IFT46: variants seen among roughly 807,000 people sequenced by gnomAD.
IFT46 encodes the protein intraflagellar transport protein 46 homolog.
Under a neutral mutation model 39.6 loss-of-function variants are expected in IFT46, and 19 were observed. The observed-to-expected ratio is 0.48, with a 90% CI of 0.33 to 0.70. IFT46 has a LOEUF of 0.70. IFT46 is among the 30% of genes least tolerant of loss of function. The pLI is 0.01. For missense variants in IFT46, 334 were observed against 364.8 expected (o/e 0.92, Z 0.69); for synonymous variants, 117 against 134.8 (o/e 0.87, Z 0.91).
chr11:118,562,429 A>G (rs1938091028), intron 2 of IFT46, among the ~76,000 whole-genome samples: 1 of 152,124 alleles, frequency 6.6e-6, no homozygotes. Flanking sequence ...GACAGAGCAA[A>G]ACTCTGTCTC....
intron 3 of IFT46, 129 bp downstream of exon 3, chr11:118,559,656 C>T (rs1427745759): frequency 5.4e-6 from 4 of 738,202 alleles, no homozygotes; most frequent in African/African-American, 5.3e-5. Flanking sequence ...GATTTTCCTC[C>T]ATGAGCTCAA....
upstream of IFT46, among the ~76,000 whole-genome samples, chr11:118,575,883 T>C (rs1464680486): frequency 6.6e-6 from 1 of 152,172 alleles, no homozygotes. Flanking sequence ...TCTGGCAGCC[T>C]AATGTTACTA....
intron 2 of IFT46, chr11:118,561,377 G>C: frequency 2.4e-6 from 2 of 849,706 alleles, no homozygotes; most frequent in Non-Finnish European, 4.1e-6. Flanking sequence ...AAAGAAGAGC[G>C]TAACTCCAGA....
At chr11:118,557,972 T>A in intron 3 of IFT46, 1 of 1,226,876 alleles carries the variant, frequency 8.2e-7, no homozygotes, top group Non-Finnish European at 1.1e-6. Flanking sequence ...ATACTGAGGT[T>A]AACACGTTTG....
At chr11:118,572,494 AC>A (rs1355040778) in intron 1 of IFT46, 9 of 1,604,856 alleles carry the variant, frequency 5.6e-6, no homozygotes, top group Non-Finnish European at 7.7e-6. Flanking sequence ...CCCAGACCCT[AC>A]CCCTATCCCC....
chr11:118,545,594 G>A (rs955291131), intron 10 of IFT46, 100 bp from the exon 11 acceptor site: 10 of 1,146,822 alleles, frequency 8.7e-6, no homozygotes, highest in African/African-American at 3.1e-5. Flanking sequence ...ATGGGGTGTC[G>A]CTATGACTTT....
At chr11:118,545,754 A>G (rs1951667178) in intron 10 of IFT46, 39 bp downstream of exon 10, 1 of 1,593,968 alleles carries the variant, frequency 6.3e-7, no homozygotes, top group African/African-American at 1.3e-5. Context: ...GAGTGTCTCT[A>G]TCCAGAGATG....
In IFT46 at chr11:118,546,310, C is replaced by T; in HGVS notation, c.673-457G>A. The stretch of plus-strand genomic sequence containing the variant: ...CCTAGGAGTTCGAGACCAGCCTGGG[C>T]AACATGGTGAAATTCCATCTCTACA... On this transcript the variant is annotated intron_variant, in intron 9 of 11. Transcript: ENST00000264021. 6.6e-6 allele frequency: 4 copies of T among 604,604 alleles called. No homozygotes were observed. In the South Asian group the frequency reaches 8.1e-5, roughly 12 times the overall value. 37.5% of individuals were successfully genotyped at this position (604,604 alleles called of 1,614,324 possible).
At position 118,544,576 on chromosome 11, in the gene IFT46, C is replaced by T. The variant is rs981966829; in HGVS notation, c.*340G>A. On this transcript the variant is annotated 3_prime_UTR_variant, in exon 12 of 12. Coordinates refer to ENST00000264021, the MANE Select transcript of IFT46 (RefSeq NM_001168618.2). ...ATAAAATCTTTACTCACTAACTTTA[C>T]GAATGAAAGAAAACAATTCCATCCC... 6 of 246,742 alleles carry T rather than the reference C, an allele frequency of 2.4e-5. No homozygotes were observed. The highest frequency in any genetic ancestry group is 8.6e-5 in the South Asian group (1 of 11,654). 15.3% of individuals were successfully genotyped at this position (246,742 alleles called of 1,614,324 possible).
intron 1 of IFT46, chr11:118,572,469 C>T: frequency 7.9e-6 from 12 of 1,527,562 alleles, no homozygotes; most frequent in Non-Finnish European, 9.9e-6. Context: ...TCCAGAGCTG[C>T]TGGTGCTCCC....
chr11:118,561,205 C>A, intron 2 of IFT46: 2 of 1,378,946 alleles, frequency 1.5e-6, no homozygotes, highest in Non-Finnish European at 1.0e-6. Flanking sequence ...GCTTGTCTGT[C>A]CCTCACAGTA....
intron 2 of IFT46, among the ~76,000 whole-genome samples, chr11:118,563,082 C>G (rs115277891): frequency 0.011 from 1,622 of 151,038 alleles, 31 homozygotes; most frequent in African/African-American, 0.037. Context: ...AAAAAAAGTG[C>G]AATATACATG....
chr11:118,544,707 T>G lies in IFT46; in HGVS notation c.*209A>C, dbSNP rs1951633429. Reference sequence around the variant, plus strand: ...AAATCCCCACAGTGGTGTAGATGCATTAACTCCCCGGGGACAGCAATCTGA... The same window carrying G: ...AAATCCCCACAGTGGTGTAGATGCAGTAACTCCCCGGGGACAGCAATCTGA... On this transcript the variant is annotated 3_prime_UTR_variant, in exon 12 of 12. Coordinates refer to ENST00000264021, the MANE Select transcript of IFT46 (RefSeq NM_001168618.2). 1 of 531,804 alleles carries G rather than the reference T, an allele frequency of 1.9e-6. No homozygotes were observed. The highest frequency in any genetic ancestry group is 2.5e-5 in the South Asian group (1 of 40,096). The allele number at this position is 531,804 out of a possible 1,614,324, so 32.9% of individuals were successfully genotyped here.
In IFT46 at chr11:118,561,637, A is replaced by G. The variant is rs1431483649; in HGVS notation, c.-35-1773T>C. On this transcript the variant is annotated intron_variant, in intron 2 of 11. Transcript: ENST00000264021. Reference sequence around the variant, plus strand: ...TAAAGACGATAAACATATGGACAGAAAAAAAAAAGATTTAACCTCTTTGAG... The same window carrying G: ...TAAAGACGATAAACATATGGACAGAGAAAAAAAAGATTTAACCTCTTTGAG... 1.8e-5 allele frequency: 7 copies of G among 380,984 alleles called. No homozygotes were observed. In the Admixed American group the frequency reaches 2.9e-4, roughly 16 times the overall value. The allele number at this position is 380,984 out of a possible 1,614,324, so 23.6% of individuals were successfully genotyped here. A position where few individuals can be genotyped will look rare whatever the true frequency, so the allele number is the denominator to read the frequency against.
intron 9 of IFT46, among the ~76,000 whole-genome samples, chr11:118,551,085 G>A (rs142131387): frequency 2.1e-4 from 31 of 150,474 alleles, no homozygotes; most frequent in African/African-American, 7.1e-4. Flanking sequence ...ATATACATGG[G>A]TTTCCTGTGT....
intron 9 of IFT46, 105 bp downstream of exon 9, chr11:118,551,681 A>AAG: frequency 1.2e-6 from 1 of 853,200 alleles, no homozygotes; most frequent in South Asian, 1.7e-5. Context: ...AAAAAAAAAA[A>AAG]AAAAAAAAAG....
intron 9 of IFT46, among the ~76,000 whole-genome samples, chr11:118,548,414 G>T (rs1459137762): frequency 6.8e-6 from 1 of 146,514 alleles, no homozygotes; most frequent in African/African-American, 2.6e-5. Context: ...CATGAGGCTG[G>T]AATACAGTGG....
Position 118,551,785 on chromosome 11 carries a change from C to T in IFT46, c.672+1G>A. ...CCTACCTCCTGCTACCTTCCACTCA[C>T]CTTGCCCAAAAGCTCTTCAAACTCC... On this transcript the variant is annotated splice_donor_variant, in intron 9 of 11. Transcript: ENST00000264021. LOFTEE classifies it high-confidence loss of function. 1 of 1,613,668 alleles carries T rather than the reference C, an allele frequency of 6.2e-7. No individual in the cohort carries two copies. Among genetic ancestry groups the T allele is most frequent in the Non-Finnish European group, 8.5e-7 (1 of 1,179,632 alleles).
At chr11:118,572,601 C>T (rs782277914) in exon 1 of IFT46, 1 of 1,591,306 alleles carries the variant, frequency 6.3e-7, no homozygotes, top group Non-Finnish European at 8.5e-7. Flanking sequence ...CTCACCGTCT[C>T]TCCTTGTCGG....
Sources: gnomAD v4.1 joint callset for allele counts (sites outside exome capture counted in the v4.1 genomes callset) on GRCh38, gnomAD v4.1.1 for gene constraint, MANE v1.5 for transcripts, NCBI Gene and HGNC (gene_info 2026-07-23, HGNC 2026-07-21) for gene names.